The following KLRG1 variants were observed in gnomAD, a reference collection of about 807,000 sequenced individuals.
The protein encoded by KLRG1 is killer cell lectin-like receptor subfamily G member 1.
KLRG1 carries 16 observed loss-of-function variants against 21.8 expected under a neutral mutation model. The observed-to-expected ratio is 0.73, with a 90% CI of 0.50 to 1.11. The LOEUF (loss-of-function observed/expected upper bound fraction) is 1.11. Ranked by LOEUF, KLRG1 falls within the 50% of genes most tolerant of loss-of-function variation. The pLI is 0.00. For missense variants in KLRG1, 173 were observed against 218.3 expected (o/e 0.79, Z 1.31); for synonymous variants, 69 against 75.9 (o/e 0.91, Z 0.47).
chr12:8,995,102 G>A lies in KLRG1; in HGVS notation c.188-17G>A, dbSNP rs367812563. ...AGTGGTCCATAAAGATGTGAACCAGGTCCTCTTCTCTCCTAGGCTCCAACT... is the reference window on the plus strand; with the variant it reads ...AGTGGTCCATAAAGATGTGAACCAGATCCTCTTCTCTCCTAGGCTCCAACT... On this transcript the variant is annotated splice_polypyrimidine_tract_variant and intron_variant, in intron 2 of 4. Coordinates refer to ENST00000356986, the MANE Select transcript of KLRG1 (RefSeq NM_005810.4). 26 of 1,570,434 alleles carry A rather than the reference G, an allele frequency of 1.7e-5. No individual in the cohort carries two copies. Among genetic ancestry groups the A allele is most frequent in the Non-Finnish European group, 2.2e-5 (25 of 1,162,512 alleles).
the KLRG1 span, among the ~76,000 whole-genome samples, chr12:9,109,621 C>A: frequency 6.6e-6 from 1 of 152,130 alleles, no homozygotes; most frequent in Non-Finnish European, 1.5e-5. Flanking sequence ...ATGGAAAACT[C>A]CATTAAAACA....
chr12:9,179,220 A>G, the KLRG1 span, among the ~76,000 whole-genome samples: 1 of 152,166 alleles, frequency 6.6e-6, no homozygotes, highest in South Asian at 2.1e-4. Context: ...TTATTCTTCA[A>G]AAACCCCATA....
the KLRG1 span, chr12:9,192,078 T>C: frequency 1.2e-6 from 1 of 850,586 alleles, no homozygotes; most frequent in Admixed American, 2.1e-5. Context: ...TTTTCCTGCG[T>C]GTCCTCCTTA....
chr12:9,162,633 G>C, the KLRG1 span: 5 of 1,594,300 alleles, frequency 3.1e-6, no homozygotes, highest in South Asian at 2.2e-5. Context: ...GTCTTTTCTT[G>C]CTCAATACCT....
the KLRG1 span, among the ~76,000 whole-genome samples, chr12:9,116,644 A>G: frequency 6.6e-6 from 1 of 152,226 alleles, no homozygotes; most frequent in Non-Finnish European, 1.5e-5. Context: ...TTTAAGTCAT[A>G]TAAATGATTT....
At chr12:9,069,712 G>T in the KLRG1 span, 2 of 1,564,948 alleles carry the variant, frequency 1.3e-6, no homozygotes, top group Non-Finnish European at 1.8e-6. Flanking sequence ...TATTATCTAC[G>T]TTTTTTTGCA....
intron 1 of KLRG1, among the ~76,000 whole-genome samples, chr12:8,960,019 G>A (rs889276707): frequency 2.0e-5 from 3 of 152,260 alleles, no homozygotes; most frequent in Admixed American, 2.0e-4. Context: ...GTATAACTGG[G>A]ACTGGATTTA....
chr12:9,154,532 T>C, the KLRG1 span: 2 of 1,268,956 alleles, frequency 1.6e-6, no homozygotes, highest in South Asian at 1.4e-5. Context: ...ATAATTGCCT[T>C]CTCTTTTCCA....
the KLRG1 span, among the ~76,000 whole-genome samples, chr12:9,045,764 A>T: frequency 1.3e-5 from 2 of 152,204 alleles, no homozygotes; most frequent in Non-Finnish European, 2.9e-5. Context: ...AGCACTATTC[A>T]CAATAGCAAA....
chr12:8,961,399 C>A (rs778663561), intron 1 of KLRG1, among the ~76,000 whole-genome samples: 12 of 152,044 alleles, frequency 7.9e-5, no homozygotes, highest in South Asian at 6.2e-4. Flanking sequence ...AAAGAGATGG[C>A]AATTTTTATT....
At chr12:9,152,254 G>C in the KLRG1 span, 1 of 1,612,932 alleles carries the variant, frequency 6.2e-7, no homozygotes, top group South Asian at 1.1e-5. Flanking sequence ...AATAAAACCA[G>C]ATACCATCTT....
the KLRG1 span, among the ~76,000 whole-genome samples, chr12:9,144,892 A>G: frequency 1.3e-5 from 2 of 152,152 alleles, no homozygotes; most frequent in African/African-American, 4.8e-5. Context: ...GGTCATGCTG[A>G]CGTTAGCCAT....
chr12:9,076,987 G>A, the KLRG1 span: 3 of 1,481,738 alleles, frequency 2.0e-6, no homozygotes, highest in Admixed American at 6.9e-5. Flanking sequence ...AGGCATATTA[G>A]CATTCCCAGG....
At chr12:9,166,136 T>C in the KLRG1 span, 2 of 1,614,084 alleles carry the variant, frequency 1.2e-6, no homozygotes, top group Non-Finnish European at 1.7e-6. Flanking sequence ...TTGTTCATTA[T>C]TTAAGGGTAT....
the KLRG1 span, chr12:9,192,092 T>C: frequency 9.9e-7 from 1 of 1,009,970 alleles, no homozygotes; most frequent in African/African-American, 1.6e-5. Flanking sequence ...CTCCTTATTG[T>C]GAAGGGATGA....
Position 9,008,998 on chromosome 12 carries a change from T to C in KLRG1, c.381T>C (p.Ser127=). The C allele has an allele frequency of 6.2e-7, 1 of 1,613,880 alleles. No individual in the cohort carries two copies. Among genetic ancestry groups the C allele is most frequent in the African/African-American group, 1.3e-5 (1 of 75,022 alleles). Residue 127 remains serine (S), a synonymous_variant, in exon 4 of 5, where the codon AGT becomes AGC. Transcript: ENST00000356986. ...QEMSLLQVFL[S]EAFCWIGLRN... ...AGAGCCTGCTCCAAGTTTTCCTCAG[T>C]GAGGCCTTTTGCTGGATTGGTCTGA...
At chr12:9,115,988 A>C in the KLRG1 span, 2 of 734,444 alleles carry the variant, frequency 2.7e-6, no homozygotes, top group Non-Finnish European at 4.9e-6. Flanking sequence ...CCCACACAAG[A>C]TCTCTAAACA....
At chr12:9,122,531 G>A in the KLRG1 span, among the ~76,000 whole-genome samples, 1 of 152,306 alleles carries the variant, frequency 6.6e-6, no homozygotes, top group Non-Finnish European at 1.5e-5. Flanking sequence ...AGCTACAACA[G>A]TAACAGGTAA....
the KLRG1 span, chr12:9,201,103 A>G: frequency 8.1e-6 from 13 of 1,605,950 alleles, no homozygotes; most frequent in Non-Finnish European, 1.1e-5. Context: ...ATTTAGTCAC[A>G]ATAGTCCTTG....
Sources: allele counts gnomAD v4.1 joint callset (sites outside exome capture counted in the v4.1 genomes callset), GRCh38; gene constraint gnomAD v4.1.1; transcripts MANE v1.5; gene names NCBI Gene and HGNC (gene_info 2026-07-23, HGNC 2026-07-21).